Variants in ANTXRL observed in about 807,000 individuals in gnomAD.
ANTXRL encodes ANTXR like.
A neutral mutation model predicts 75.4 loss-of-function variants in ANTXRL; 63 were observed. The observed-to-expected ratio is 0.84, with a 90% confidence interval of 0.68 to 1.03. ANTXRL has a LOEUF of 1.03. Ranked by LOEUF, ANTXRL falls within the 50% of genes least tolerant of loss-of-function variation. ANTXRL has a pLI of 0.00. For missense variants in ANTXRL, 797 were observed against 789.4 expected (o/e 1.01, Z -0.12); for synonymous variants, 335 against 291.3 (o/e 1.15, Z -1.53).
chr10:46,326,924 G>A (rs542067027), intron 16 of ANTXRL, among the ~76,000 whole-genome samples: 31 of 152,272 alleles, frequency 2.0e-4, no homozygotes, highest in African/African-American at 7.0e-4. Flanking sequence ...GGGGCAGGCA[G>A]GGTGAGGGTG....
chr10:46,295,916 C>G, intron 3 of ANTXRL, 103 bp from the exon 4 acceptor site: 2 of 933,898 alleles, frequency 2.1e-6, no homozygotes, highest in South Asian at 2.8e-5. Flanking sequence ...CTCCTTCATC[C>G]AGGAGGACTG....
intron 13 of ANTXRL, 39 bp from the exon 14 acceptor site, chr10:46,310,422 C>T (rs1554963136): frequency 6.5e-7 from 1 of 1,533,634 alleles, no homozygotes; most frequent in Admixed American, 2.0e-5. Flanking sequence ...GCCCGCCCAC[C>T]CCCATCCAGC....
upstream of ANTXRL, among the ~76,000 whole-genome samples, chr10:46,286,149 A>G (rs1382798045): frequency 4.6e-5 from 7 of 152,054 alleles, 1 homozygote; most frequent in African/African-American, 1.7e-4. Flanking sequence ...TTCCCTAGAG[A>G]GGGGGCCTGT....
chr10:46,292,089 C>T lies in ANTXRL; in HGVS notation c.280C>T (p.Leu94Phe), dbSNP rs1554956648. The change falls in exon 2 of 17, where the codon CTT (leucine) becomes TTT (phenylalanine). Residue 94 changes from leucine to phenylalanine, a missense_variant. Coordinates refer to ENST00000620264, the MANE Select transcript of ANTXRL (RefSeq NM_001278688.3). ...SGSVNNNWID[L>F]YMWVEETVAR... The stretch of plus-strand genomic sequence containing the variant: ...CAGCGTGAACAATAACTGGATTGAC[C>T]TTTATATGTGGGTGGAGGAAACAGT... 6.5e-7 allele frequency: 1 copy of T among 1,536,184 alleles called. No homozygotes were observed. Among genetic ancestry groups the T allele is most frequent in the Non-Finnish European group, 8.7e-7 (1 of 1,146,842 alleles).
At chr10:46,306,643 TGG>T (rs1357161972) in intron 10 of ANTXRL, among the ~76,000 whole-genome samples, 158 bp from the exon 11 acceptor site, 2 of 152,138 alleles carry the variant, frequency 1.3e-5, no homozygotes, top group Non-Finnish European at 2.9e-5. Flanking sequence ...GCACAGGGCC[TGG>T]GTGTGGCGGG....
At chr10:46,326,836 G>A (rs1839238465) in intron 16 of ANTXRL, among the ~76,000 whole-genome samples, 1 of 152,136 alleles carries the variant, frequency 6.6e-6, no homozygotes. Flanking sequence ...TGTTCCTCCA[G>A]GTGGAGGTCT....
chr10:46,296,164 G>A, intron 4 of ANTXRL, 55 bp from the exon 5 acceptor site: 3 of 1,535,098 alleles, frequency 2.0e-6, no homozygotes, highest in Middle Eastern at 1.7e-4. Flanking sequence ...AAATCTTAGA[G>A]CATCAGTGGG....
rs201489916 is a variant in ANTXRL, at chr10:46,298,007, G to C, written c.741G>C (p.Thr247=). The C allele has an allele frequency of 2.6e-5, 40 of 1,535,792 alleles. No individual in the cohort carries two copies. The highest frequency in any genetic ancestry group is 3.1e-5 in the Non-Finnish European group (36 of 1,146,730). Residue 247 remains threonine (T), a synonymous_variant, in exon 9 of 17, where the codon ACG becomes ACC. Transcript: ENST00000620264. The part of the protein sequence containing the change: ...KALRSTIDAL[T]SKVCLDVTSV... ...CCACCCCTCCTGTGTTCCAGCTCACGTCAAAGGTCTGTCTTGATGTGACAT... is the reference window on the plus strand; with the variant it reads ...CCACCCCTCCTGTGTTCCAGCTCACCTCAAAGGTCTGTCTTGATGTGACAT...
rs1588783490 is a variant in ANTXRL, at chr10:46,291,932, C to A, written c.249-126C>A. ...TCCAGTGGCCACTGGGGGTGTACCC[C>A]AGCCTCAGCTGTGCTGGGGTCAGGA... is the stretch of plus-strand genomic sequence containing the variant. On this transcript the variant is annotated intron_variant, in intron 1 of 16. Transcript: ENST00000620264. 24 of 839,778 alleles carry A rather than the reference C, an allele frequency of 2.9e-5. No individual in the cohort carries two copies. The East Asian group carries it at 6.4e-4, about 23-fold the overall frequency. The allele number at this position is 839,778 out of a possible 1,614,324, so 52.0% of individuals were successfully genotyped here.
rs782396349 is a variant in ANTXRL, at chr10:46,296,288, G to A, written c.508+36G>A. The A allele has an allele frequency of 2.6e-6, 4 of 1,533,402 alleles. No individual in the cohort carries two copies. The South Asian group carries it at 3.6e-5, about 14-fold the overall frequency. The allele number at this position is 1,533,402 out of a possible 1,614,324, so 95.0% of individuals were successfully genotyped here. A position where few individuals can be genotyped will look rare whatever the true frequency, so the allele number is the denominator to read the frequency against. ...GCCGTCCCCCTGGTGGTCCTGTAGG[G>A]GGAACAGAGCTGGGTGTGAGCCTCA... On this transcript the variant is annotated intron_variant, in intron 5 of 16. Coordinates refer to ENST00000620264, the MANE Select transcript of ANTXRL (RefSeq NM_001278688.3).
chr10:46,310,431 G>C (rs1554963140), intron 13 of ANTXRL, 30 bp from the exon 14 acceptor site: 5 of 1,535,818 alleles, frequency 3.3e-6, no homozygotes, highest in Non-Finnish European at 4.4e-6. Context: ...CCCCCATCCA[G>C]CCTGTGTTTG....
At chr10:46,327,611 T>A (rs1186346775) in intron 16 of ANTXRL, among the ~76,000 whole-genome samples, 2 of 152,074 alleles carry the variant, frequency 1.3e-5, no homozygotes, top group African/African-American at 4.8e-5. Context: ...GAAGGGCCCC[T>A]CTCAGTAAGA....
intron 1 of ANTXRL, 28 bp from the exon 2 acceptor site, chr10:46,292,030 C>G (rs1554956621): frequency 6.5e-7 from 1 of 1,533,774 alleles, no homozygotes; most frequent in South Asian, 1.2e-5. Flanking sequence ...GCACTCATCT[C>G]CCTGACCCAC....
At chr10:46,321,130 G>C (rs1247553234) in intron 16 of ANTXRL, among the ~76,000 whole-genome samples, 1 of 152,120 alleles carries the variant, frequency 6.6e-6, no homozygotes, top group African/African-American at 2.4e-5. Flanking sequence ...CGTAGACACT[G>C]GCATTAATGG....
chr10:46,315,086 C>G (rs1394710830), intron 16 of ANTXRL, among the ~76,000 whole-genome samples: 2 of 152,170 alleles, frequency 1.3e-5, no homozygotes, highest in African/African-American at 4.8e-5. Context: ...GTGTGCTGGC[C>G]CTAGGGTCTA....
chr10:46,293,973 C>A, intron 3 of ANTXRL, 73 bp downstream of exon 3: 1 of 1,400,774 alleles, frequency 7.1e-7, no homozygotes. Context: ...AGCTGAAGGG[C>A]TCCCGGAGAC....
chr10:46,324,860 T>C (rs991933106), intron 16 of ANTXRL, among the ~76,000 whole-genome samples: 1 of 152,094 alleles, frequency 6.6e-6, no homozygotes, highest in African/African-American at 2.4e-5. Context: ...TCCTTTCAAC[T>C]CTGAAAGTCC....
chr10:46,289,889 C>T (rs1836911866), intron 1 of ANTXRL, among the ~76,000 whole-genome samples: 2 of 152,110 alleles, frequency 1.3e-5, no homozygotes, highest in South Asian at 4.1e-4. Flanking sequence ...ACAATGTAAT[C>T]AAGCAAACAT....
At chr10:46,315,884 A>G (rs1554964580) in intron 16 of ANTXRL, among the ~76,000 whole-genome samples, 1 of 152,138 alleles carries the variant, frequency 6.6e-6, no homozygotes, top group Non-Finnish European at 1.5e-5. Context: ...TTTAATTTCA[A>G]TTTTTGTTTT....
Sources: gnomAD v4.1 joint callset for allele counts (sites outside exome capture counted in the v4.1 genomes callset) on GRCh38, gnomAD v4.1.1 for gene constraint, MANE v1.5 for transcripts, NCBI Gene and HGNC (gene_info 2026-07-23, HGNC 2026-07-21) for gene names.